The following CLDN20 variants were observed in gnomAD, a reference collection of about 807,000 sequenced individuals.
CLDN20 encodes the protein claudin-20.
For synonymous variants in CLDN20, 104 were observed against 103.6 expected (o/e 1.00, Z -0.03); for missense variants, 258 against 267.9 (o/e 0.96, Z 0.26).
At chr6:155,268,375 C>A (rs1784758583) in intron 1 of CLDN20, among the ~76,000 whole-genome samples, 1 of 152,212 alleles carries the variant, frequency 6.6e-6, no homozygotes, top group Non-Finnish European at 1.5e-5. Context: ...GATCCCCAGG[C>A]TTCTTTGATT....
At chr6:155,271,214 G>A (rs1784899767) in intron 1 of CLDN20, among the ~76,000 whole-genome samples, 1 of 152,084 alleles carries the variant, frequency 6.6e-6, no homozygotes, top group Non-Finnish European at 1.5e-5. Context: ...TCTTCTTTCT[G>A]TATAATGGCT....
Position 155,276,404 on chromosome 6 carries a change from G to A in CLDN20, c.*25G>A. 1.9e-6 allele frequency: 3 copies of A among 1,570,624 alleles called. No homozygotes were observed. Among genetic ancestry groups the A allele is most frequent in the Middle Eastern group, 1.7e-4 (1 of 5,888 alleles). On this transcript the variant is annotated 3_prime_UTR_variant, in exon 2 of 2. Transcript: ENST00000367165. ...AATAACTGAGTAATGCATATGAAATGGAACTTTTGGGTGCCAAATGGGACT... is the reference window on the plus strand; with the variant it reads ...AATAACTGAGTAATGCATATGAAATAGAACTTTTGGGTGCCAAATGGGACT...
Position 155,276,364 on chromosome 6 carries a change from G to C in CLDN20, c.645G>C (p.Leu215=). The C allele has an allele frequency of 6.2e-7, 1 of 1,612,710 alleles. No homozygotes were observed. Among genetic ancestry groups the C allele is most frequent in the South Asian group, 1.1e-5 (1 of 91,024 alleles). The change falls in exon 2 of 2, where the codon CTG becomes CTC. Residue 215 remains leucine, a synonymous_variant. Transcript: ENST00000367165. ...TQLENNSTHN[L]KDYV ...TCGAGAACAATTCCACACACAATCT[G>C]AAGGATTATGTGTAAATAACTGAGT...
intron 1 of CLDN20, among the ~76,000 whole-genome samples, chr6:155,265,150 G>C (rs546537667): frequency 2.0e-5 from 3 of 152,222 alleles, no homozygotes; most frequent in Non-Finnish European, 4.4e-5. Context: ...TGGGTTTGTG[G>C]ATGTGGCAGG....
At chr6:155,271,621 C>T (rs1352654144) in intron 1 of CLDN20, among the ~76,000 whole-genome samples, 1 of 152,046 alleles carries the variant, frequency 6.6e-6, no homozygotes, top group Non-Finnish European at 1.5e-5. Context: ...ATTCAGGTTC[C>T]AGACAAGTCA....
At chr6:155,273,272 G>T (rs1162090902) in intron 1 of CLDN20, among the ~76,000 whole-genome samples, 1 of 152,198 alleles carries the variant, frequency 6.6e-6, no homozygotes, top group African/African-American at 2.4e-5. Flanking sequence ...GATGTCTACA[G>T]ATAAGTCTGA....
At chr6:155,273,243 G>C (rs1234226610) in intron 1 of CLDN20, among the ~76,000 whole-genome samples, 1 of 152,152 alleles carries the variant, frequency 6.6e-6, no homozygotes, top group Non-Finnish European at 1.5e-5. Context: ...TATGATAGCA[G>C]GTGAATCCTA....
chr6:155,266,925 G>A (rs1416388499), intron 1 of CLDN20, among the ~76,000 whole-genome samples: 4 of 151,298 alleles, frequency 2.6e-5, no homozygotes, highest in Admixed American at 2.6e-4. Flanking sequence ...CATAGTCTGG[G>A]GTGGTGGTGG....
intron 1 of CLDN20, among the ~76,000 whole-genome samples, chr6:155,269,997 G>A (rs1311349266): frequency 6.6e-6 from 1 of 152,254 alleles, no homozygotes; most frequent in East Asian, 1.9e-4. Context: ...TTCTACCTCA[G>A]AGGTCTTGCG....
chr6:155,273,525 T>C (rs1785035497), intron 1 of CLDN20, among the ~76,000 whole-genome samples: 1 of 152,234 alleles, frequency 6.6e-6, no homozygotes, highest in Non-Finnish European at 1.5e-5. Flanking sequence ...AGCTGAGCCA[T>C]GTGGCCTATT....
At chr6:155,270,775 A>G (rs1294237483) in intron 1 of CLDN20, among the ~76,000 whole-genome samples, 3 of 152,220 alleles carry the variant, frequency 2.0e-5, no homozygotes, top group Non-Finnish European at 4.4e-5. Context: ...CCAGCGAAAC[A>G]AGCCAGGACG....
chr6:155,274,471 A>G (rs559044146), intron 1 of CLDN20, among the ~76,000 whole-genome samples: 1 of 152,332 alleles, frequency 6.6e-6, no homozygotes, highest in East Asian at 1.9e-4. Context: ...ACATACAACT[A>G]ATGATGTGGT....
chr6:155,275,798 C>A lies in CLDN20; in HGVS notation c.79C>A (p.Leu27Met). 1.2e-6 allele frequency: 2 copies of A among 1,614,132 alleles called. No individual in the cohort carries two copies. The highest frequency in any genetic ancestry group is 1.7e-6 in the Non-Finnish European group (2 of 1,180,010). The change falls in exon 2 of 2, where the codon CTG (leucine) becomes ATG (methionine). Residue 27 changes from leucine (L) to methionine (M), a missense_variant. Leu to Met is a conservative substitution (Grantham distance 15, BLOSUM62 2). Transcript: ENST00000367165. ...CTCTGGAGTGCTCACAGCCACTCTG[C>A]TGCCCAACTGGAAGGTGAATGTGGA... The part of the protein sequence containing the change: ...GVSGVLTATL[L>M]PNWKVNVDVD...
At chr6:155,267,758 C>T (rs934263554) in intron 1 of CLDN20, among the ~76,000 whole-genome samples, 3 of 152,126 alleles carry the variant, frequency 2.0e-5, no homozygotes, top group African/African-American at 7.2e-5. Context: ...TTGGGTAAGA[C>T]AAGAATGACC....
At position 155,276,452 on chromosome 6, in the gene CLDN20, A is replaced by C; in HGVS notation, c.*73A>C. The C allele has an allele frequency of 7.5e-7, 1 of 1,327,398 alleles. No homozygotes were observed. Among genetic ancestry groups the C allele is most frequent in the Non-Finnish European group, 1.0e-6 (1 of 967,362 alleles). The allele number at this position is 1,327,398 out of a possible 1,614,324, so 82.2% of individuals were successfully genotyped here. On this transcript the variant is annotated 3_prime_UTR_variant, in exon 2 of 2. Transcript: ENST00000367165. ...ACTTTTAGATTAAAAAAAAATCAGA[A>C]TTATGCTTAACTTTCCCTACAAAGA...
chr6:155,275,944 C>G lies in CLDN20; in HGVS notation c.225C>G (p.Ile75Met), dbSNP rs769249949. ...ALKHSILSLP[I>M]HVQAARATMV... ...AACACTCCATTCTGTCCCTCCCCAT[C>G]CACGTGCAGGCTGCGAGAGCCACCA... Residue 75 changes from isoleucine (I) to methionine (M), a missense_variant, in exon 2 of 2, where the codon ATC becomes ATG. Physicochemically the swap from Ile to Met is conservative, Grantham distance 10. Coordinates refer to ENST00000367165, the MANE Select transcript of CLDN20 (RefSeq NM_001001346.3). The G allele has an allele frequency of 1.2e-6, 2 of 1,614,180 alleles. No individual in the cohort carries two copies. The highest frequency in any genetic ancestry group is 1.1e-5 in the South Asian group (1 of 91,086).
At chr6:155,267,289 T>C (rs1057044858) in intron 1 of CLDN20, among the ~76,000 whole-genome samples, 9 of 152,338 alleles carry the variant, frequency 5.9e-5, no homozygotes, top group African/African-American at 1.9e-4. Context: ...AATATGGTGC[T>C]TCTTGATGAA....
chr6:155,274,883 T>C (rs891622021), intron 1 of CLDN20, among the ~76,000 whole-genome samples: 13 of 152,232 alleles, frequency 8.5e-5, no homozygotes. Context: ...TGGCCTTAAT[T>C]TATTTTCTTC....
At chr6:155,264,811 G>A (rs1480870929) in intron 1 of CLDN20, among the ~76,000 whole-genome samples, 3 of 152,094 alleles carry the variant, frequency 2.0e-5, no homozygotes, top group Non-Finnish European at 2.9e-5. Context: ...TTTTTTTACT[G>A]TGTAAATTAT....
Sources: allele counts gnomAD v4.1 joint callset (sites outside exome capture counted in the v4.1 genomes callset), GRCh38; gene constraint gnomAD v4.1.1; transcripts MANE v1.5; gene names NCBI Gene and HGNC (gene_info 2026-07-23, HGNC 2026-07-21).